The following CAMTA1 variants were observed in gnomAD, a reference collection of about 807,000 sequenced individuals.
CAMTA1 encodes calmodulin-binding transcription activator 1.
In CAMTA1, 27 loss-of-function variants were observed where a neutral mutation model predicts 170.9. The ratio of observed to expected loss-of-function variants is 0.16; its 90% CI spans 0.12 to 0.22. The LOEUF (loss-of-function observed/expected upper bound fraction) is 0.22. Ranked by LOEUF, CAMTA1 falls within the 10% of genes least tolerant of loss-of-function variation. The pLI, the probability that CAMTA1 is intolerant of heterozygous loss-of-function variation, is 1.00. For synonymous variants in CAMTA1, 833 were observed against 891.5 expected (o/e 0.93, Z 1.17); for missense variants, 1,619 against 2,217.2 (o/e 0.73, Z 5.42).
chr1:7,098,131 G>A (rs576204456), intron 4 of CAMTA1, among the ~76,000 whole-genome samples: 37 of 152,152 alleles, frequency 2.4e-4, no homozygotes, highest in African/African-American at 7.5e-4. Flanking sequence ...GCACGTGCGC[G>A]TGCGTGCGCA....
chr1:7,491,972 G>A (rs1575592837), intron 6 of CAMTA1, among the ~76,000 whole-genome samples: 3 of 152,288 alleles, frequency 2.0e-5, no homozygotes, highest in Admixed American at 2.0e-4. Context: ...AGTCTTGATT[G>A]CCACATTGTG....
intron 4 of CAMTA1, among the ~76,000 whole-genome samples, chr1:7,134,753 A>G (rs1365002736): frequency 6.6e-6 from 1 of 152,192 alleles, no homozygotes; most frequent in Non-Finnish European, 1.5e-5. Context: ...GACACATGCA[A>G]TTATATGTTC....
intron 3 of CAMTA1, among the ~76,000 whole-genome samples, chr1:6,987,080 C>T (rs1572240228): frequency 6.6e-6 from 1 of 151,902 alleles, no homozygotes. Context: ...TGAAATTGAA[C>T]CCAGGGGTTT....
intron 3 of CAMTA1, among the ~76,000 whole-genome samples, chr1:6,901,804 G>A (rs1677000363): frequency 6.6e-6 from 1 of 152,118 alleles, no homozygotes; most frequent in Non-Finnish European, 1.5e-5. Context: ...CCAGCACTTT[G>A]GGAGGCCAAG....
At chr1:6,837,585 G>T (rs756422284) in intron 3 of CAMTA1, among the ~76,000 whole-genome samples, 1 of 152,166 alleles carries the variant, frequency 6.6e-6, no homozygotes, top group African/African-American at 2.4e-5. Flanking sequence ...TAAAATTAAC[G>T]TCTGAGTATA....
chr1:7,064,824 C>A lies in CAMTA1; in HGVS notation c.235-26480C>A, dbSNP rs1438239764. ...GGAGTCCATGGATGTATTCTGAGGT[C>A]CTGTTGGTCTAGGAGCTGGTTGGGT... On this transcript the variant is annotated intron_variant, in intron 3 of 22. Transcript: ENST00000303635. This position sits in a 1 kb window ranked among gnomAD's most constrained non-coding sequence, Gnocchi z 5.4. Among the ~76,000 whole-genome samples, 1 of 151,946 alleles carries A rather than the reference C, an allele frequency of 6.6e-6. No individual in the cohort carries two copies. The highest frequency in any genetic ancestry group is 2.4e-5 in the African/African-American group (1 of 41,354).
chr1:7,151,606 A>G (rs1646583654), intron 4 of CAMTA1, among the ~76,000 whole-genome samples: 1 of 152,130 alleles, frequency 6.6e-6, no homozygotes, highest in African/African-American at 2.4e-5. Flanking sequence ...ATTCCTCGCT[A>G]TGCCCAAGGG....
chr1:6,952,765 C>T (rs977951425), intron 3 of CAMTA1, among the ~76,000 whole-genome samples: 5 of 151,964 alleles, frequency 3.3e-5, no homozygotes, highest in East Asian at 1.9e-4. Context: ...ATCCAGGAGG[C>T]GGAGGTAGCA....
chr1:6,866,302 G>T (rs1418049794), intron 3 of CAMTA1, among the ~76,000 whole-genome samples: 1 of 152,158 alleles, frequency 6.6e-6, no homozygotes, highest in Non-Finnish European at 1.5e-5. Flanking sequence ...TTAGATAGTG[G>T]ATTCTTTTTC....
intron 3 of CAMTA1, among the ~76,000 whole-genome samples, chr1:6,974,570 T>G (rs1693084979): frequency 6.6e-6 from 1 of 152,174 alleles, no homozygotes; most frequent in Non-Finnish European, 1.5e-5. Context: ...GGTCCAGGCT[T>G]ATCCAACCTC....
At chr1:7,494,681 G>A (rs960444183) in intron 6 of CAMTA1, among the ~76,000 whole-genome samples, 8 of 152,120 alleles carry the variant, frequency 5.3e-5, no homozygotes, top group African/African-American at 1.4e-4. Context: ...GCGCACACCT[G>A]TAATCCCAGC....
intron 7 of CAMTA1, among the ~76,000 whole-genome samples, chr1:7,643,202 CT>C (rs2095778739): frequency 6.7e-6 from 1 of 149,990 alleles, no homozygotes; most frequent in South Asian, 2.1e-4. Flanking sequence ...CTTTCTGAGC[CT>C]TCTGTCTGCT....
chr1:6,818,331 C>T (rs540751081), intron 1 of CAMTA1, among the ~76,000 whole-genome samples: 35 of 151,942 alleles, frequency 2.3e-4, no homozygotes, highest in Non-Finnish European at 5.0e-4. Context: ...AGTGAGACTC[C>T]GTCTCAAAAC....
At chr1:6,960,512 G>A (rs1317786320) in intron 3 of CAMTA1, among the ~76,000 whole-genome samples, 2 of 152,138 alleles carry the variant, frequency 1.3e-5, no homozygotes, top group African/African-American at 2.4e-5. Flanking sequence ...TGGAGAGCTC[G>A]TCTTTCAAAG....
chr1:7,373,131 A>G (rs1557609446), intron 5 of CAMTA1, among the ~76,000 whole-genome samples: 1 of 152,210 alleles, frequency 6.6e-6, no homozygotes, highest in Non-Finnish European at 1.5e-5. Flanking sequence ...TCTATCAGCC[A>G]TGGCACTGGG....
chr1:7,354,522 A>G lies in CAMTA1; in HGVS notation c.438+104896A>G, dbSNP rs143552363. ...TTCTGTACCTTTGCTATTTTGCATA[A>G]TGCTGCAATGAACATGTGTCTTTGC... On this transcript the variant is annotated intron_variant, in intron 5 of 22. Coordinates refer to ENST00000303635, the MANE Select transcript of CAMTA1 (RefSeq NM_015215.4). Among the ~76,000 whole-genome samples the G allele has an allele frequency of 5.4e-4, 82 of 152,346 alleles. 2 individuals carry two copies. The East Asian group carries it at 0.014, about 27-fold the overall frequency.
chr1:6,795,311 CT>C (rs1642222582), intron 1 of CAMTA1, among the ~76,000 whole-genome samples: 2 of 152,046 alleles, frequency 1.3e-5, no homozygotes, highest in South Asian at 2.1e-4. Flanking sequence ...CCTCAGCCCC[CT>C]GAGTGACTGG....
At chr1:7,448,665 T>C (rs11120931) in intron 5 of CAMTA1, among the ~76,000 whole-genome samples, 17,966 of 152,214 alleles carry the variant, frequency 0.12, 1,774 homozygotes, top group East Asian at 0.34. Flanking sequence ...TTCTTCCTGG[T>C]TCATAGACCG....
At chr1:6,922,509 C>A (rs1167771776) in intron 3 of CAMTA1, among the ~76,000 whole-genome samples, 1 of 152,178 alleles carries the variant, frequency 6.6e-6, no homozygotes, top group African/African-American at 2.4e-5. Flanking sequence ...GGGGACAGAG[C>A]AGCCAGGGCT....
Sources: allele counts gnomAD v4.1 joint callset (sites outside exome capture counted in the v4.1 genomes callset), GRCh38; gene constraint gnomAD v4.1.1; non-coding constraint Gnocchi (gnomAD v3.1); transcripts MANE v1.5; gene names NCBI Gene and HGNC (gene_info 2026-07-23, HGNC 2026-07-21).